TENM4: variants seen among roughly 807,000 people sequenced by gnomAD.
TENM4 encodes the protein teneurin transmembrane protein 4.
In TENM4, 82 loss-of-function variants were observed where a neutral mutation model predicts 243.3. The ratio of observed to expected loss-of-function variants is 0.34; its 90% CI spans 0.28 to 0.40. TENM4 has a LOEUF of 0.40. Among genes scored for constraint, TENM4 ranks in the 10% least tolerant of loss-of-function variants. TENM4 has a pLI of 1.00. For missense variants in TENM4, 3,138 were observed against 3,673.3 expected, an observed-to-expected ratio of 0.85 and a Z score of 3.77; for synonymous variants, 1,412 against 1,456.3, an observed-to-expected ratio of 0.97 and a Z score of 0.69.
chr11:78,661,649 C>T (rs1858033270), intron 32 of TENM4, 58 bp from the exon 33 acceptor site: 2 of 1,586,936 alleles, frequency 1.3e-6, no homozygotes, highest in African/African-American at 1.3e-5. Flanking sequence ...ATTTGCAACC[C>T]ATCCCCATCT....
chr11:79,019,786 CA>C (rs1346117013), intron 6 of TENM4, among the ~76,000 whole-genome samples: 1 of 152,118 alleles, frequency 6.6e-6, no homozygotes, highest in African/African-American at 2.4e-5. Context: ...TGACATTAGA[CA>C]GTGAAATTAG....
chr11:78,878,768 A>AC (rs544526623), intron 9 of TENM4, among the ~76,000 whole-genome samples: 23 of 152,294 alleles, frequency 1.5e-4, no homozygotes, highest in South Asian at 4.1e-4. Flanking sequence ...ACGCCTTGTG[A>AC]CCCAGGAATC....
chr11:78,907,677 G>A (rs1317549800), intron 6 of TENM4, among the ~76,000 whole-genome samples: 1 of 152,194 alleles, frequency 6.6e-6, no homozygotes, highest in African/African-American at 2.4e-5. Context: ...CGTCCGCACA[G>A]AGCTGTGCCT....
intron 7 of TENM4, 91 bp downstream of exon 7, chr11:78,903,177 G>T (rs556586406): frequency 2.3e-5 from 32 of 1,416,128 alleles, no homozygotes; most frequent in African/African-American, 9.1e-5. Flanking sequence ...GCGTTATCTG[G>T]GGACACTGAA....
Position 79,381,680 on chromosome 11 carries a change from C to T in TENM4, c.-321+58829G>A, listed in dbSNP as rs368763315. On this transcript the variant is annotated intron_variant, in intron 1 of 33. Transcript: ENST00000278550. ...AAGGAGTACTGTGATATCCGACGTTCACTTGAGCGCTGTTTGGCACGGTAC... is the reference window on the plus strand; with the variant it reads ...AAGGAGTACTGTGATATCCGACGTTTACTTGAGCGCTGTTTGGCACGGTAC... 9.4e-4 allele frequency among the ~76,000 whole-genome samples: 143 copies of T among 151,526 alleles called. 1 individual carries two copies. The South Asian group carries it at 0.029, about 31-fold the overall frequency.
Position 78,863,008 on chromosome 11 carries a change from G to A in TENM4, c.1209C>T (p.Gly403=). Residue 403 remains glycine (G), a synonymous_variant, in exon 10 of 34, where the codon GGC becomes GGT. Coordinates refer to ENST00000278550, the MANE Select transcript of TENM4 (RefSeq NM_001098816.3). The part of the protein sequence containing the change: ...PTDVSLYPSG[G]TGLETPDRKG... ...TCCTGTCAGGGGTCTCTAAGCCAGT[G>A]CCCCCTGAGGGGTATAGGGAGACGT... The A allele has an allele frequency of 6.6e-7, 1 of 1,507,242 alleles. No homozygotes were observed. The highest frequency in any genetic ancestry group is 1.2e-5 in the South Asian group (1 of 80,370). The allele number at this position is 1,507,242 out of a possible 1,614,324, so 93.4% of individuals were successfully genotyped here. A position where few individuals can be genotyped will look rare whatever the true frequency, so the allele number is the denominator to read the frequency against.
intron 9 of TENM4, among the ~76,000 whole-genome samples, chr11:78,870,904 G>A (rs1859108084): frequency 6.6e-6 from 1 of 152,156 alleles, no homozygotes; most frequent in South Asian, 2.1e-4. Flanking sequence ...AGAATAAACT[G>A]CTATTATTGC....
At chr11:78,919,769 G>A (rs1169226287) in intron 6 of TENM4, among the ~76,000 whole-genome samples, 1 of 152,122 alleles carries the variant, frequency 6.6e-6, no homozygotes, top group African/African-American at 2.4e-5. Flanking sequence ...AAAAACGTGA[G>A]TTGGAGTTGG....
intron 15 of TENM4, among the ~76,000 whole-genome samples, chr11:78,789,665 A>G (rs998015592): frequency 7.2e-5 from 11 of 152,118 alleles, no homozygotes; most frequent in African/African-American, 2.7e-4. Flanking sequence ...CATACTATTC[A>G]CTGAGGTGTG....
At chr11:78,953,221 C>G (rs1298433967) in intron 6 of TENM4, among the ~76,000 whole-genome samples, 1 of 152,218 alleles carries the variant, frequency 6.6e-6, no homozygotes, top group African/African-American at 2.4e-5. Context: ...GAAGCTTTGT[C>G]TCTGAGACTA....
At chr11:79,102,469 C>A (rs1417871065) in intron 4 of TENM4, among the ~76,000 whole-genome samples, 1 of 152,214 alleles carries the variant, frequency 6.6e-6, no homozygotes, top group Non-Finnish European at 1.5e-5. Context: ...GAGAAGCCAG[C>A]GCTGAGCTAG....
chr11:78,915,741 G>A (rs573234127), intron 6 of TENM4, among the ~76,000 whole-genome samples: 1 of 152,256 alleles, frequency 6.6e-6, no homozygotes, highest in South Asian at 2.1e-4. Flanking sequence ...AGGTTATCAG[G>A]TCATTTTCCA....
intron 3 of TENM4, among the ~76,000 whole-genome samples, chr11:79,164,071 ATATACACTATATATACTAT>A (rs1862834883): frequency 1.3e-4 from 4 of 30,590 alleles, no homozygotes; most frequent in Non-Finnish European, 2.9e-4. Context: ...TATAGTGTAT[ATATACACTATATATACTAT>A]GTATATATAG....
chr11:78,770,950 C>A (rs1348355662), intron 18 of TENM4, 42 bp downstream of exon 18: 2 of 1,557,308 alleles, frequency 1.3e-6, no homozygotes, highest in African/African-American at 2.7e-5. Flanking sequence ...GGGCCTCCCA[C>A]CCTCTGGAGC....
chr11:78,915,242 C>T (rs970491157), intron 6 of TENM4, among the ~76,000 whole-genome samples: 1 of 152,178 alleles, frequency 6.6e-6, no homozygotes, highest in African/African-American at 2.4e-5. Context: ...TTAGAAGTTT[C>T]CTCCTCCAGG....
chr11:79,350,428 C>CTTT (rs71278671), intron 1 of TENM4, among the ~76,000 whole-genome samples: 2 of 134,496 alleles, frequency 1.5e-5, no homozygotes, highest in Admixed American at 7.5e-5. Context: ...CCTTTCTTGG[C>CTTT]TTTTTTTTTT....
chr11:78,661,738 T>C (rs1858036020), intron 32 of TENM4, 147 bp from the exon 33 acceptor site: 1 of 1,070,258 alleles, frequency 9.3e-7, no homozygotes, highest in African/African-American at 1.6e-5. Context: ...ACATACACTT[T>C]TCATTCTATG....
chr11:79,220,126 G>A (rs1864129614), intron 2 of TENM4, among the ~76,000 whole-genome samples: 6 of 152,334 alleles, frequency 3.9e-5, no homozygotes, highest in Admixed American at 2.6e-4. Context: ...CCTGTGCCCT[G>A]GGCTGACCCC....
chr11:78,965,724 G>A (rs1857426408), intron 6 of TENM4, among the ~76,000 whole-genome samples: 1 of 152,184 alleles, frequency 6.6e-6, no homozygotes, highest in African/African-American at 2.4e-5. Context: ...TCTCTCCTCT[G>A]GCCTCTGGGT....
Sources: gnomAD v4.1 joint callset for allele counts (sites outside exome capture counted in the v4.1 genomes callset) on GRCh38, gnomAD v4.1.1 for gene constraint, MANE v1.5 for transcripts, NCBI Gene and HGNC (gene_info 2026-07-23, HGNC 2026-07-21) for gene names.